MGAT4C: variants seen among roughly 807,000 people sequenced by gnomAD.
MGAT4C encodes MGAT4 family member C.
A neutral mutation model predicts 40.1 loss-of-function variants in MGAT4C; 19 were observed. The ratio of observed to expected loss-of-function variants is 0.47; its 90% CI spans 0.33 to 0.70. The LOEUF (loss-of-function observed/expected upper bound fraction) is 0.70, where lower values mean the gene tolerates loss of function less well. Ranked by LOEUF, MGAT4C falls within the 30% of genes least tolerant of loss-of-function variation. MGAT4C has a pLI of 0.02. For missense variants in MGAT4C, 491 were observed against 563.2 expected, an observed-to-expected ratio of 0.87 and a Z score of 1.30; for synonymous variants, 181 against 187.1, an observed-to-expected ratio of 0.97 and a Z score of 0.27.
intron 1 of MGAT4C, among the ~76,000 whole-genome samples, chr12:86,174,970 A>C (rs1887237276): frequency 6.6e-6 from 1 of 152,126 alleles, no homozygotes; most frequent in African/African-American, 2.4e-5. Flanking sequence ...AAATGATTTC[A>C]AGATATATCT....
At chr12:86,408,479 C>CTCTATA (rs1267344319) in intron 3 of MGAT4C, among the ~76,000 whole-genome samples, 101 of 63,330 alleles carry the variant, frequency 1.6e-3, no homozygotes, top group Non-Finnish European at 1.9e-3. Context: ...CTCTCTCTCT[C>CTCTATA]TATATATATA....
intron 2 of MGAT4C, among the ~76,000 whole-genome samples, chr12:86,609,105 G>C (rs745492441): frequency 1.1e-4 from 17 of 152,044 alleles, no homozygotes; most frequent in Non-Finnish European, 2.2e-4. Context: ...ATTATAAATA[G>C]TAAAATAAAT....
At chr12:86,202,503 A>G (rs2135936643) in intron 1 of MGAT4C, among the ~76,000 whole-genome samples, 1 of 152,154 alleles carries the variant, frequency 6.6e-6, no homozygotes, top group South Asian at 2.1e-4. Context: ...TTTCTTTAAA[A>G]TATTTTTATC....
chr12:86,315,023 A>G (rs1230465555), intron 4 of MGAT4C, among the ~76,000 whole-genome samples: 1 of 151,996 alleles, frequency 6.6e-6, no homozygotes, highest in Non-Finnish European at 1.5e-5. Context: ...AACTGAAAAA[A>G]AACAAGCCTG....
chr12:86,346,496 AT>A (rs2136188376), intron 3 of MGAT4C, among the ~76,000 whole-genome samples: 1 of 152,330 alleles, frequency 6.6e-6, no homozygotes, highest in South Asian at 2.1e-4. Context: ...AAGTGCTGGG[AT>A]TACAGGTGTA....
intron 2 of MGAT4C, among the ~76,000 whole-genome samples, chr12:86,505,424 C>T (rs1017938539): frequency 6.6e-6 from 1 of 152,148 alleles, no homozygotes; most frequent in African/African-American, 2.4e-5. Flanking sequence ...TTAGGATATG[C>T]CAGTTTAGGT....
Position 86,536,252 on chromosome 12 carries a change from C to T in MGAT4C, c.-228-100987G>A, listed in dbSNP as rs549061102. ...ACACATATCTGGATACTATAACAGT[C>T]ACCTATAATCATTATTTACATAATA... On this transcript the variant is annotated intron_variant, in intron 2 of 7. Transcript: ENST00000548651. Among the ~76,000 whole-genome samples, 10 of 152,136 alleles carry T rather than the reference C, an allele frequency of 6.6e-5. No individual in the cohort carries two copies. The East Asian group carries it at 1.9e-3, about 29-fold the overall frequency.
chr12:86,603,781 A>G (rs1002435396), intron 2 of MGAT4C, among the ~76,000 whole-genome samples: 2 of 33,198 alleles, frequency 6.0e-5, no homozygotes, highest in Non-Finnish European at 1.6e-4. Flanking sequence ...TATATATACT[A>G]TATAATATAT....
chr12:86,211,574 G>T (rs1002940906), intron 1 of MGAT4C, among the ~76,000 whole-genome samples: 1 of 151,646 alleles, frequency 6.6e-6, no homozygotes, highest in Non-Finnish European at 1.5e-5. Context: ...GTGACAGAGG[G>T]AGACTCCCTC....
intron 2 of MGAT4C, among the ~76,000 whole-genome samples, chr12:86,595,911 T>A (rs1167587582): frequency 6.6e-6 from 1 of 151,912 alleles, no homozygotes; most frequent in African/African-American, 2.4e-5. Flanking sequence ...TATCACCACC[T>A]CCAGTCTAAC....
intron 4 of MGAT4C, among the ~76,000 whole-genome samples, chr12:86,288,988 G>A (rs1363376111): frequency 6.6e-6 from 1 of 151,856 alleles, no homozygotes; most frequent in Non-Finnish European, 1.5e-5. Flanking sequence ...TCTTTGTCAG[G>A]GCCTATGTTC....
intron 1 of MGAT4C, among the ~76,000 whole-genome samples, chr12:86,088,772 G>A (rs909361854): frequency 6.6e-6 from 1 of 152,010 alleles, no homozygotes; most frequent in African/African-American, 2.4e-5. Context: ...CAGAGAAAAG[G>A]GAACACTTAT....
chr12:86,668,285 T>C (rs537694964), intron 2 of MGAT4C, among the ~76,000 whole-genome samples: 1 of 152,212 alleles, frequency 6.6e-6, no homozygotes, highest in South Asian at 2.1e-4. Flanking sequence ...ACACCCCAGA[T>C]TTCAGGAAGG....
intron 2 of MGAT4C, among the ~76,000 whole-genome samples, chr12:86,672,312 C>T (rs972518630): frequency 6.6e-6 from 1 of 151,882 alleles, no homozygotes; most frequent in Non-Finnish European, 1.5e-5. Context: ...TAGGGCTATA[C>T]GTGTCTGCAA....
chr12:86,493,365 C>T (rs1375251161), intron 2 of MGAT4C, among the ~76,000 whole-genome samples: 1 of 151,920 alleles, frequency 6.6e-6, no homozygotes, highest in East Asian at 1.9e-4. Context: ...TATTGCGGCA[C>T]TATTCACAAT....
intron 2 of MGAT4C, among the ~76,000 whole-genome samples, chr12:86,574,090 T>C (rs1960470444): frequency 1.3e-5 from 2 of 151,962 alleles, no homozygotes; most frequent in South Asian, 4.1e-4. Context: ...GAAAATTAGC[T>C]ATTTTCTATT....
intron 1 of MGAT4C, among the ~76,000 whole-genome samples, chr12:86,790,503 T>A (rs1219127532): frequency 6.6e-6 from 1 of 152,144 alleles, no homozygotes; most frequent in Non-Finnish European, 1.5e-5. Context: ...GAAATCATCT[T>A]AAAACTCAGG....
At chr12:86,204,132 A>C (rs144657754) in intron 1 of MGAT4C, among the ~76,000 whole-genome samples, 1,962 of 151,902 alleles carry the variant, frequency 0.013, 95 homozygotes, top group Admixed American at 0.023. Context: ...AGTCAGATAA[A>C]GTGTTCAGGT....
chr12:86,480,281 A>G (rs1957910203), intron 2 of MGAT4C, among the ~76,000 whole-genome samples: 1 of 151,772 alleles, frequency 6.6e-6, no homozygotes, highest in Non-Finnish European at 1.5e-5. Context: ...AAAATGAAAC[A>G]AGAGAGGAAA....
Sources: allele counts gnomAD v4.1 joint callset (sites outside exome capture counted in the v4.1 genomes callset), GRCh38; gene constraint gnomAD v4.1.1; transcripts MANE v1.5; gene names NCBI Gene and HGNC (gene_info 2026-07-23, HGNC 2026-07-21).